Variants in ADAM18 observed in about 807,000 individuals in gnomAD.
ADAM18 encodes ADAM metallopeptidase domain 18, also known as disintegrin and metalloproteinase domain-containing protein 18.
Under a neutral mutation model 94.4 loss-of-function variants are expected in ADAM18, and 117 were observed. The ratio of observed to expected loss-of-function variants is 1.24; its 90% CI spans 1.07 to 1.45. The LOEUF is 1.45. Among genes scored for constraint, ADAM18 ranks in the 40% most tolerant of loss-of-function variants. The pLI, the probability that ADAM18 is intolerant of heterozygous loss-of-function variation, is 0.00. For missense variants in ADAM18, 936 were observed against 880.0 expected (o/e 1.06, Z -0.81); for synonymous variants, 327 against 291.6 (o/e 1.12, Z -1.24).
intron 16 of ADAM18, among the ~76,000 whole-genome samples, chr8:39,690,672 C>T (rs1387250183): frequency 2.0e-5 from 3 of 152,140 alleles, no homozygotes; most frequent in African/African-American, 7.2e-5. Context: ...ACTCTGTACC[C>T]ATTAAAAAAT....
At chr8:39,686,621 T>TTA (rs1821612619) in intron 16 of ADAM18, among the ~76,000 whole-genome samples, 1 of 152,190 alleles carries the variant, frequency 6.6e-6, no homozygotes, top group Non-Finnish European at 1.5e-5. Flanking sequence ...AATATCTTGG[T>TTA]TAAAGTGTTT....
At chr8:39,714,037 ACCCAAATGT>A (rs1316921041) in intron 18 of ADAM18, among the ~76,000 whole-genome samples, 3 of 152,190 alleles carry the variant, frequency 2.0e-5, no homozygotes, top group Non-Finnish European at 4.4e-5. Context: ...CTTGGAACCA[ACCCAAATGT>A]CCATCAATGA....
intron 17 of ADAM18, among the ~76,000 whole-genome samples, chr8:39,694,662 T>C (rs1821873655): frequency 6.6e-6 from 1 of 151,502 alleles, no homozygotes; most frequent in Non-Finnish European, 1.5e-5. Context: ...CCAAGTACAG[T>C]GGACTACAAT....
chr8:39,645,381 C>A lies in ADAM18; in HGVS notation c.953C>A (p.Ala318Asp). The A allele has an allele frequency of 2.5e-6, 4 of 1,612,402 alleles. No homozygotes were observed. Among genetic ancestry groups the A allele is most frequent in the Non-Finnish European group, 3.4e-6 (4 of 1,179,164 alleles). The change falls in exon 11 of 20, where the codon GCT becomes GAT. Residue 318 changes from alanine (A) to aspartate (D), a missense_variant. Transcript: ENST00000265707. Reference protein sequence around the residue: ...IGLEGFSVIIAQLLGLNVGLT... With the variant: ...IGLEGFSVIIDQLLGLNVGLT... Reference sequence around the variant, plus strand: ...TTGGAGGGATTTTCGGTTATTATAGCTCAACTGCTTGGCCTTAATGTAGGA... The same window carrying A: ...TTGGAGGGATTTTCGGTTATTATAGATCAACTGCTTGGCCTTAATGTAGGA...
intron 17 of ADAM18, among the ~76,000 whole-genome samples, chr8:39,695,253 G>T (rs1821890562): frequency 6.6e-6 from 1 of 151,470 alleles, no homozygotes; most frequent in Non-Finnish European, 1.5e-5. Context: ...AAATACCAAG[G>T]AGCACAATTA....
chr8:39,637,634 T>A lies in ADAM18; in HGVS notation c.758T>A (p.Leu253Ter). Residue 253 changes from leucine (L) to a stop codon, truncating the protein, a stop_gained, in exon 9 of 20, where the codon TTA (leucine) becomes TAA (stop). Coordinates refer to ENST00000265707, the MANE Select transcript of ADAM18 (RefSeq NM_014237.3). LOFTEE classifies it high-confidence loss of function. ...ACCAGTGGGGATGCTGATGATATAT[T>A]ACAAAGATTTTTGGCATGGAAACGG... ...ISTSGDADDI[L>*]QRFLAWKRDY... 1 of 1,612,846 alleles carries A rather than the reference T, an allele frequency of 6.2e-7. No homozygotes were observed. The highest frequency in any genetic ancestry group is 8.5e-7 in the Non-Finnish European group (1 of 1,179,298).
intron 2 of ADAM18, among the ~76,000 whole-genome samples, chr8:39,599,070 CAA>C (rs1818828278): frequency 6.6e-6 from 1 of 152,028 alleles, no homozygotes; most frequent in Non-Finnish European, 1.5e-5. Context: ...CTCGGCTTCC[CAA>C]AGCGCTAGGA....
At chr8:39,590,714 A>G (rs1018631802) in intron 2 of ADAM18, among the ~76,000 whole-genome samples, 12 of 152,224 alleles carry the variant, frequency 7.9e-5, no homozygotes, top group African/African-American at 2.9e-4. Context: ...TTTTTAAACT[A>G]AAATAACATT....
intron 2 of ADAM18, among the ~76,000 whole-genome samples, chr8:39,589,286 G>A (rs1818500095): frequency 6.6e-6 from 1 of 152,084 alleles, no homozygotes; most frequent in African/African-American, 2.4e-5. Flanking sequence ...ATTAATTTAT[G>A]TTAGGCACAT....
At position 39,594,166 on chromosome 8, in the gene ADAM18, C is replaced by T. The variant is rs547652438; in HGVS notation, c.132+8814C>T. Among the ~76,000 whole-genome samples, 4 of 152,242 alleles carry T rather than the reference C, an allele frequency of 2.6e-5. No individual in the cohort carries two copies. In the South Asian group the frequency reaches 8.3e-4, roughly 32 times the overall value. On this transcript the variant is annotated intron_variant, in intron 2 of 19. Transcript: ENST00000265707. ...CTTTTAGTGGTTACTTTAGATATTA[C>T]ATTACATGTACGTAACTTTTCACAG...
chr8:39,696,441 C>A (rs1462777525), intron 17 of ADAM18, among the ~76,000 whole-genome samples: 2 of 151,308 alleles, frequency 1.3e-5, no homozygotes, highest in East Asian at 1.9e-4. Flanking sequence ...TTAAAGAAAT[C>A]ATCAAATCTA....
Position 39,585,270 on chromosome 8 carries a change from C to T in ADAM18, c.56-6C>T. The T allele has an allele frequency of 1.9e-6, 3 of 1,608,888 alleles. No individual in the cohort carries two copies. Among genetic ancestry groups the T allele is most frequent in the South Asian group, 2.2e-5 (2 of 90,288 alleles). On this transcript the variant is annotated splice_region_variant and splice_polypyrimidine_tract_variant and intron_variant, in intron 1 of 19. Transcript: ENST00000265707. Reference sequence around the variant, plus strand: ...AGACAAAAACAAACACATTTTCTTACTGCAGGTTCTGAAGGAATATTTCTG... The same window carrying T: ...AGACAAAAACAAACACATTTTCTTATTGCAGGTTCTGAAGGAATATTTCTG...
intron 14 of ADAM18, among the ~76,000 whole-genome samples, chr8:39,672,697 C>T (rs1348951529): frequency 6.6e-6 from 1 of 152,214 alleles, no homozygotes; most frequent in Non-Finnish European, 1.5e-5. Flanking sequence ...ATCCCCATAA[C>T]ACCTTGTTAA....
chr8:39,649,703 A>G (rs557034338), intron 12 of ADAM18, among the ~76,000 whole-genome samples: 6 of 152,094 alleles, frequency 3.9e-5, no homozygotes, highest in Non-Finnish European at 7.4e-5. Context: ...ATTCTGCTGG[A>G]GTGTGCTTCC....
chr8:39,650,767 C>A (rs940909256), intron 12 of ADAM18, among the ~76,000 whole-genome samples: 3 of 152,232 alleles, frequency 2.0e-5, no homozygotes, highest in Middle Eastern at 6.8e-3. Flanking sequence ...ACATTTTGCA[C>A]GAAAATAGAG....
chr8:39,674,652 T>C (rs549553181), intron 14 of ADAM18, among the ~76,000 whole-genome samples: 4 of 152,344 alleles, frequency 2.6e-5, no homozygotes, highest in African/African-American at 9.6e-5. Context: ...TGTGTGAATT[T>C]GATCCTTTCA....
intron 18 of ADAM18, among the ~76,000 whole-genome samples, chr8:39,722,211 G>A (rs1441583918): frequency 5.3e-4 from 38 of 71,140 alleles, no homozygotes; most frequent in African/African-American, 3.4e-3. Context: ...GTGTGTGTGT[G>A]TGTGTGTATA....
intron 2 of ADAM18, among the ~76,000 whole-genome samples, chr8:39,605,472 T>TGA (rs933143249): frequency 2.6e-5 from 4 of 152,132 alleles, no homozygotes; most frequent in Admixed American, 6.5e-5. Context: ...TTTTATATGT[T>TGA]GAGAGAGAGA....
chr8:39,610,454 A>T, intron 5 of ADAM18, 75 bp from the exon 6 acceptor site: 1 of 1,441,940 alleles, frequency 6.9e-7, no homozygotes, highest in South Asian at 1.5e-5. Flanking sequence ...TTCTTATGCC[A>T]TTTCAGATTA....
Sources: allele counts gnomAD v4.1 joint callset (sites outside exome capture counted in the v4.1 genomes callset), GRCh38; gene constraint gnomAD v4.1.1; transcripts MANE v1.5; gene names NCBI Gene and HGNC (gene_info 2026-07-23, HGNC 2026-07-21).